Variants in MAP4K2 observed in about 807,000 individuals in gnomAD.
MAP4K2 encodes mitogen-activated protein kinase kinase kinase kinase 2, also known as B lymphocyte serine/threonine protein kinase.
Under a neutral mutation model 125.3 loss-of-function variants are expected in MAP4K2, and 85 were observed. The ratio of observed to expected loss-of-function variants is 0.68; its 90% CI spans 0.57 to 0.81. The LOEUF is 0.81. MAP4K2 is among the 40% of genes least tolerant of loss of function. The pLI is 0.00. For synonymous variants in MAP4K2, 479 were observed against 445.1 expected (o/e 1.08, Z -0.96); for missense variants, 923 against 1,056.4 (o/e 0.87, Z 1.75).
At chr11:64,792,111 G>T (rs1940520425) in intron 26 of MAP4K2, 25 bp from the exon 27 acceptor site, 6 of 1,580,170 alleles carry the variant, frequency 3.8e-6, no homozygotes, top group Non-Finnish European at 5.2e-6. Flanking sequence ...GGATGCTCAG[G>T]TCTCCATTTC....
chr11:64,794,770 C>T (rs531900366), intron 24 of MAP4K2, among the ~76,000 whole-genome samples: 1 of 152,330 alleles, frequency 6.6e-6, no homozygotes, highest in South Asian at 2.1e-4. Context: ...CCTCACCTGC[C>T]TAGAAACCCT....
chr11:64,797,258 C>A lies in MAP4K2; in HGVS notation c.1276+17G>T. The A allele has an allele frequency of 2.5e-6, 4 of 1,599,460 alleles. No individual in the cohort carries two copies. Among genetic ancestry groups the A allele is most frequent in the Non-Finnish European group, 3.4e-6 (4 of 1,173,080 alleles). On this transcript the variant is annotated intron_variant, in intron 18 of 31. Coordinates refer to ENST00000294066, the MANE Select transcript of MAP4K2 (RefSeq NM_004579.5). The stretch of plus-strand genomic sequence containing the variant: ...CACCCTGGGGCTGCCTCCTGGCCTC[C>A]CAAGCCTGAGACTCACCTGGGGGAC...
Position 64,797,153 on chromosome 11 carries a change from G to GA in MAP4K2, c.1315_1316insT (p.Pro439LeufsTer17). On this transcript the variant is annotated frameshift_variant, in exon 19 of 32. Transcript: ENST00000294066. LOFTEE classifies it high-confidence loss of function. ...GGTGGCCCAGGCCGTGGGCAGCAGT[G>GA]GGGAGCTGTTGGGGCCTGAAGGAGG... 1 of 1,614,090 alleles carries GA rather than the reference G, an allele frequency of 6.2e-7. No individual in the cohort carries two copies. The highest frequency in any genetic ancestry group is 8.5e-7 in the Non-Finnish European group (1 of 1,180,004).
rs1170058349 is a variant in MAP4K2, at chr11:64,800,127, A to G, written c.897T>C (p.Pro299=). ...ASDPHLGTPS[P]EDCELETYDM... is the part of the protein sequence containing the mutation. ...CACCTACCTCCAGCTCACAGTCCTC[A>G]GGGGAGGGGGTCCCCAGATGAGGGT... The change falls in exon 12 of 32, where the codon CCT becomes CCC. Residue 299 remains proline (P), a synonymous_variant. Transcript: ENST00000294066. The G allele has an allele frequency of 1.2e-5, 20 of 1,609,702 alleles. No homozygotes were observed. Among genetic ancestry groups the G allele is most frequent in the Non-Finnish European group, 1.5e-5 (18 of 1,178,436 alleles).
chr11:64,791,766 G>A (rs1940490066), intron 27 of MAP4K2, 143 bp downstream of exon 27: 1 of 841,466 alleles, frequency 1.2e-6, no homozygotes, highest in African/African-American at 1.7e-5. Flanking sequence ...GTGGGCCCCA[G>A]ACCCCACATG....
chr11:64,800,128 G>C lies in MAP4K2; in HGVS notation c.896C>G (p.Pro299Arg). The C allele has an allele frequency of 6.2e-7, 1 of 1,610,084 alleles. No individual in the cohort carries two copies. Among genetic ancestry groups the C allele is most frequent in the Non-Finnish European group, 8.5e-7 (1 of 1,178,590 alleles). The change falls in exon 12 of 32, where the codon CCT becomes CGT. Residue 299 changes from proline to arginine, a missense_variant. Pro to Arg is a moderately radical substitution (Grantham distance 103). Transcript: ENST00000294066. ...ASDPHLGTPSPEDCELETYDM... is the reference protein window; with the variant it reads ...ASDPHLGTPSREDCELETYDM... ...ACCTACCTCCAGCTCACAGTCCTCAGGGGAGGGGGTCCCCAGATGAGGGTC... is the reference window on the plus strand; with the variant it reads ...ACCTACCTCCAGCTCACAGTCCTCACGGGAGGGGGTCCCCAGATGAGGGTC...
In MAP4K2 at chr11:64,799,631, G is replaced by T; in HGVS notation, c.968C>A (p.Ala323Asp). Residue 323 changes from alanine (A) to aspartate (D), a missense_variant, in exon 13 of 32, where the codon GCC (alanine) becomes GAC (aspartate). Ala to Asp is a moderately radical substitution (Grantham distance 126, BLOSUM62 -2). Coordinates refer to ENST00000294066, the MANE Select transcript of MAP4K2 (RefSeq NM_004579.5). The stretch of plus-strand genomic sequence containing the variant: ...CTGGATCTCCGAGGGGGTCCTCTCG[G>T]CTGGGCCGTGCTGCCCCCGGGAGTG... ...TIHSRGQHGP[A>D]ERTPSEIQFH... The T allele has an allele frequency of 6.2e-7, 1 of 1,614,056 alleles. No individual in the cohort carries two copies. The highest frequency in any genetic ancestry group is 8.5e-7 in the Non-Finnish European group (1 of 1,180,024).
chr11:64,799,193 C>A (rs1366554532), intron 14 of MAP4K2, among the ~76,000 whole-genome samples: 3 of 152,170 alleles, frequency 2.0e-5, no homozygotes, highest in Non-Finnish European at 4.4e-5. Context: ...TTGGGAAAGG[C>A]ATGGTCTCTG....
chr11:64,801,716 G>T lies in MAP4K2; in HGVS notation c.408C>A (p.Asp136Glu). 6.2e-7 allele frequency: 1 copy of T among 1,613,894 alleles called. No individual in the cohort carries two copies. Among genetic ancestry groups the T allele is most frequent in the Non-Finnish European group, 8.5e-7 (1 of 1,179,942 alleles). The change falls in exon 6 of 32, where the codon GAC becomes GAA. Residue 136 changes from aspartate to glutamate, a missense_variant. Physicochemically the swap from Asp to Glu is conservative, Grantham distance 45. Around this residue, in one of 2 missense-constraint regions of MAP4K2, gnomAD observed 833 missense variants for 911.4 expected, o/e 0.91. Transcript: ENST00000294066. ...CCCCCAGCTAGGTGCCTACCTTGAT[G>T]TCTCTGTGGATCTTCCCCTGAGAAT... ...HLHSQGKIHRDIKGANLLLTL... is the reference protein window; with the variant it reads ...HLHSQGKIHREIKGANLLLTL...
rs1350661374 is a variant in MAP4K2, at chr11:64,789,282, C to A, written c.*255G>T. 7.3e-6 allele frequency: 4 copies of A among 545,128 alleles called. No individual in the cohort carries two copies. Among genetic ancestry groups the A allele is most frequent in the African/African-American group, 3.8e-5 (2 of 52,808 alleles). 33.8% of individuals were successfully genotyped at this position (545,128 alleles called of 1,614,324 possible). On this transcript the variant is annotated 3_prime_UTR_variant, in exon 32 of 32. Transcript: ENST00000294066. ...GGATGGCCCAGGCCCAGGGTCCCTG[C>A]CTTGGGCACTAGGGACTGGGCTGCC... is the stretch of plus-strand genomic sequence containing the variant.
Position 64,793,315 on chromosome 11 carries a change from C to T in MAP4K2, c.1752-893G>A, listed in dbSNP as rs139937579. ...CCCACCAGGTTGCACAGACTGCACACGGCCCATTTCACAGATGGGAAAACA... is the reference window on the plus strand; with the variant it reads ...CCCACCAGGTTGCACAGACTGCACATGGCCCATTTCACAGATGGGAAAACA... On this transcript the variant is annotated intron_variant, in intron 24 of 31. Coordinates refer to ENST00000294066, the MANE Select transcript of MAP4K2 (RefSeq NM_004579.5). Among the ~76,000 whole-genome samples the T allele has an allele frequency of 4.5e-3, 680 of 152,274 alleles. 4 individuals carry two copies. The highest frequency in any genetic ancestry group is 0.015 in the African/African-American group (626 of 41,542).
In MAP4K2 at chr11:64,796,800, C is replaced by G; in HGVS notation, c.1492+9G>C. 4 of 1,613,752 alleles carry G rather than the reference C, an allele frequency of 2.5e-6. No individual in the cohort carries two copies. Among genetic ancestry groups the G allele is most frequent in the Non-Finnish European group, 3.4e-6 (4 of 1,180,042 alleles). ...CTTGGGCTCCCGCTTCCTCCCTGCC[C>G]CCACCTACCCCGAGTAACAGGGTGA... On this transcript the variant is annotated intron_variant, in intron 21 of 31. Transcript: ENST00000294066.
At chr11:64,792,932 T>G (rs1198012332) in intron 24 of MAP4K2, among the ~76,000 whole-genome samples, 2 of 151,954 alleles carry the variant, frequency 1.3e-5, no homozygotes. Flanking sequence ...AAGAAAGAAA[T>G]GATGCCAGGT....
intron 15 of MAP4K2, among the ~76,000 whole-genome samples, chr11:64,798,512 C>G (rs1940965823): frequency 6.6e-6 from 1 of 152,042 alleles, no homozygotes; most frequent in Non-Finnish European, 1.5e-5. Context: ...GTTGGCAAAG[C>G]TGGTTTCGAA....
rs1013001445 is a variant in MAP4K2, at chr11:64,787,338, A to G, written c.*2199T>C. 2 of 152,020 alleles carry G rather than the reference A, an allele frequency of 1.3e-5. No individual in the cohort carries two copies. Among genetic ancestry groups the G allele is most frequent in the Admixed American group, 1.3e-4 (2 of 15,248 alleles). The allele number at this position is 152,020 out of a possible 1,614,324, so 9.4% of individuals were successfully genotyped here. On this transcript the variant is annotated 3_prime_UTR_variant, in exon 32 of 32. Transcript: ENST00000294066. Reference sequence around the variant, plus strand: ...GCCACCACACCTGGCCCCCCAGGATATATTTTTAAAGGGCAAGGTCAGTAC... The same window carrying G: ...GCCACCACACCTGGCCCCCCAGGATGTATTTTTAAAGGGCAAGGTCAGTAC...
intron 27 of MAP4K2, 52 bp from the exon 28 acceptor site, chr11:64,790,514 C>T (rs775417235): frequency 2.8e-5 from 43 of 1,549,340 alleles, no homozygotes; most frequent in Non-Finnish European, 3.6e-5. Flanking sequence ...GTCCCCCAAC[C>T]CCAAGAGGAT....
rs772854652 is a variant in MAP4K2 at position 64,802,471 on chromosome 11, C to T, written c.258G>A (p.Leu86=). 11 of 1,521,314 alleles carry T rather than the reference C, an allele frequency of 7.2e-6. No homozygotes were observed. In the African/African-American group the frequency reaches 1.5e-4, roughly 21 times the overall value. The allele number at this position is 1,521,314 out of a possible 1,614,324, so 94.2% of individuals were successfully genotyped here. A position where few individuals can be genotyped will look rare whatever the true frequency, so the allele number is the denominator to read the frequency against. ...CTCCGCAGAACTCCATGCAGATCCA[C>T]AAGCGGTCATTCCTAGGGACAAAGA... ...YIGSYLRNDR[L]WICMEFCGGG... Residue 86 remains leucine, a synonymous_variant, in exon 4 of 32, where the codon TTG becomes TTA. Coordinates refer to ENST00000294066, the MANE Select transcript of MAP4K2 (RefSeq NM_004579.5).
chr11:64,795,869 G>A (rs912041531), intron 24 of MAP4K2, among the ~76,000 whole-genome samples: 1 of 152,106 alleles, frequency 6.6e-6, no homozygotes, highest in Non-Finnish European at 1.5e-5. Context: ...GGGAATCCTT[G>A]AAAGCAAGGA....
Position 64,791,952 on chromosome 11 carries a change from C to T in MAP4K2, c.2049G>A (p.Leu683=), listed in dbSNP as rs756132302. The T allele has an allele frequency of 1.2e-6, 2 of 1,605,572 alleles. No individual in the cohort carries two copies. Among genetic ancestry groups the T allele is most frequent in the Non-Finnish European group, 1.7e-6 (2 of 1,176,380 alleles). ...GPGCRVLFHV[L]PLEAGLTPDI... is the part of the protein sequence containing the mutation. The stretch of plus-strand genomic sequence containing the variant: ...CGGGCGTCAGGCCAGCCTCCAGGGG[C>T]AGGACATGGAACAGGACGCGGCAGC... Residue 683 remains leucine (L), a synonymous_variant, in exon 27 of 32, where the codon CTG becomes CTA. Transcript: ENST00000294066.
Sources: gnomAD v4.1 joint callset for allele counts (sites outside exome capture counted in the v4.1 genomes callset) on GRCh38, gnomAD v4.1.1 for gene constraint, gnomAD v4.1.1 regional missense constraint, MANE v1.5 for transcripts, NCBI Gene and HGNC (gene_info 2026-07-23, HGNC 2026-07-21) for gene names.